The following MED13L variants were observed in gnomAD, a reference collection of about 807,000 sequenced individuals.
MED13L encodes mediator complex subunit 13L, also known as mediator of RNA polymerase II transcription subunit 13-like.
In MED13L, 7 loss-of-function variants were observed where a neutral mutation model predicts 220.9. The ratio of observed to expected loss-of-function variants is 0.03; its 90% confidence interval spans 0.02 to 0.06. The LOEUF is 0.06. MED13L is among the 10% of genes least tolerant of loss of function. The probability of loss-of-function intolerance (pLI) is 1.00; values close to 1 mark genes in which losing one functional copy is unlikely to be tolerated. For missense variants in MED13L, 1,965 were observed against 2,760.5 expected, an observed-to-expected ratio of 0.71 and a Z score of 6.46; for synonymous variants, 1,011 against 1,015.2, an observed-to-expected ratio of 1.00 and a Z score of 0.08.
chr12:116,270,827 G>A (rs547110122), intron 1 of MED13L, among the ~76,000 whole-genome samples: 1 of 151,868 alleles, frequency 6.6e-6, no homozygotes, highest in African/African-American at 2.4e-5. Context: ...CGGATCACAA[G>A]GTCAAGAGAT....
At chr12:116,216,035 CT>C (rs922635034) in intron 2 of MED13L, among the ~76,000 whole-genome samples, 34 of 152,270 alleles carry the variant, frequency 2.2e-4, no homozygotes, top group African/African-American at 4.8e-4. Context: ...TTCCTCTTCT[CT>C]TTATTACAAC....
intron 4 of MED13L, among the ~76,000 whole-genome samples, chr12:116,050,353 T>A (rs1868380692): frequency 6.6e-6 from 1 of 152,162 alleles, no homozygotes; most frequent in Admixed American, 6.5e-5. Flanking sequence ...TGCAGCAATA[T>A]CATTTTTCTG....
intron 14 of MED13L, among the ~76,000 whole-genome samples, chr12:116,000,426 C>T (rs1878667194): frequency 6.6e-6 from 1 of 152,244 alleles, no homozygotes; most frequent in Non-Finnish European, 1.5e-5. Context: ...TCAGCGGGAA[C>T]TCATAAGACA....
In MED13L at chr12:116,176,395, CCAT is replaced by C. The variant is rs140238306; in HGVS notation, c.310+61070_310+61072del. 7.2e-3 allele frequency among the ~76,000 whole-genome samples: 1,099 copies of C among 151,748 alleles called. 7 individuals carry two copies. Among genetic ancestry groups the C allele is most frequent in the Admixed American group, 1.0e-2 (152 of 15,220 alleles). On this transcript the variant is annotated intron_variant, in intron 2 of 30. Transcript: ENST00000281928. ...ACTAAGGCTCAATAAATATAAGCTC[CCAT>C]CATCATCATCATCATCATCATCAAA...
In MED13L at chr12:116,210,551, C is replaced by CTATATATATA. The variant is rs3043762; in HGVS notation, c.310+26907_310+26916dup. ...CCCAAAAGCAACCGCAGAACGTAAC[C>CTATATATATA]TATATATATATATATATATATATAT... On this transcript the variant is annotated intron_variant, in intron 2 of 30. Transcript: ENST00000281928. 3.7e-3 allele frequency among the ~76,000 whole-genome samples: 422 copies of CTATATATATA among 113,584 alleles called. 6 individuals are homozygous for CTATATATATA. Among genetic ancestry groups the CTATATATATA allele is most frequent in the Middle Eastern group, 0.013 (3 of 234 alleles). The allele number at this position is 113,584 out of a possible 152,430, so 74.5% of individuals were successfully genotyped here.
intron 2 of MED13L, among the ~76,000 whole-genome samples, chr12:116,183,606 A>G (rs1880672232): frequency 6.6e-6 from 1 of 152,230 alleles, no homozygotes; most frequent in African/African-American, 2.4e-5. Flanking sequence ...TCAACTTTGT[A>G]TCACAAGCAA....
At chr12:116,236,657 A>G (rs561856597) in intron 2 of MED13L, among the ~76,000 whole-genome samples, 3 of 152,212 alleles carry the variant, frequency 2.0e-5, no homozygotes, top group Non-Finnish European at 4.4e-5. Flanking sequence ...CTAACTAAAG[A>G]TTAGAATTAG....
intron 2 of MED13L, among the ~76,000 whole-genome samples, chr12:116,184,026 T>C (rs1406307032): frequency 6.6e-6 from 1 of 152,182 alleles, no homozygotes; most frequent in Non-Finnish European, 1.5e-5. Context: ...TTAAGCCTCA[T>C]TTAAGAAGGA....
At position 115,965,355 on chromosome 12, in the gene MED13L, T is replaced by C. The variant is rs143676892; in HGVS notation, c.6387+727A>G. ...TCTTGGACATATGTCATTTTCTGTT[T>C]TGGCAAAGAACCTTTGGGCTATTCC... On this transcript the variant is annotated intron_variant, in intron 29 of 30. Transcript: ENST00000281928. 2.8e-3 allele frequency among the ~76,000 whole-genome samples: 426 copies of C among 152,346 alleles called. 23 individuals are homozygous for C. The East Asian group carries it at 0.077, about 27-fold the overall frequency.
chr12:116,175,572 T>C (rs1306632093), intron 2 of MED13L, among the ~76,000 whole-genome samples: 1 of 152,130 alleles, frequency 6.6e-6, no homozygotes, highest in Admixed American at 6.5e-5. Flanking sequence ...GACCTTAACT[T>C]TTAAGAAACA....
intron 2 of MED13L, among the ~76,000 whole-genome samples, chr12:116,132,143 T>A (rs1478934950): frequency 6.6e-6 from 1 of 151,794 alleles, no homozygotes; most frequent in Non-Finnish European, 1.5e-5. Flanking sequence ...TAGCAGGTCA[T>A]GACGGCAGGT....
chr12:116,192,396 A>G (rs1315303219), intron 2 of MED13L, among the ~76,000 whole-genome samples: 1 of 152,250 alleles, frequency 6.6e-6, no homozygotes, highest in Admixed American at 6.5e-5. Flanking sequence ...GAGAAAATAA[A>G]TATGAATATA....
chr12:116,059,918 C>T (rs1869299807), intron 4 of MED13L, among the ~76,000 whole-genome samples: 1 of 152,110 alleles, frequency 6.6e-6, no homozygotes, highest in South Asian at 2.1e-4. Flanking sequence ...TACACTATTA[C>T]TTTTTACATA....
chr12:116,221,648 AT>A (rs1868447944), intron 2 of MED13L, among the ~76,000 whole-genome samples: 1 of 152,190 alleles, frequency 6.6e-6, no homozygotes, highest in Non-Finnish European at 1.5e-5. Context: ...AAATTATTCT[AT>A]AAACAAAAAA....
intron 30 of MED13L, among the ~76,000 whole-genome samples, chr12:115,962,934 T>A (rs1875869584): frequency 6.6e-6 from 1 of 152,150 alleles, no homozygotes; most frequent in South Asian, 2.1e-4. Flanking sequence ...GGCAGGAGAA[T>A]GGCATGAACC....
chr12:116,088,785 C>T (rs949421050), intron 4 of MED13L, among the ~76,000 whole-genome samples: 10 of 150,996 alleles, frequency 6.6e-5, no homozygotes, highest in African/African-American at 2.4e-4. Context: ...AAATTAACTC[C>T]TTGCTTAAAA....
chr12:116,060,655 A>C (rs1869390947), intron 4 of MED13L, among the ~76,000 whole-genome samples: 1 of 152,104 alleles, frequency 6.6e-6, no homozygotes, highest in Non-Finnish European at 1.5e-5. Flanking sequence ...TTCACATTAC[A>C]ATTAACTGAA....
chr12:116,015,372 T>G lies in MED13L; in HGVS notation c.1010-98A>C. On this transcript the variant is annotated intron_variant, in intron 7 of 30. Transcript: ENST00000281928. Reference sequence around the variant, plus strand: ...TAACATAAATATGCATTTTAATTGTTGAAAGTCATATACATAGCTTTTTCC... The same window carrying G: ...TAACATAAATATGCATTTTAATTGTGGAAAGTCATATACATAGCTTTTTCC... The G allele has an allele frequency of 1.4e-5, 18 of 1,311,202 alleles. No homozygotes were observed. In the South Asian group the frequency reaches 2.1e-4, roughly 16 times the overall value. The allele number at this position is 1,311,202 out of a possible 1,614,324, so 81.2% of individuals were successfully genotyped here.
intron 2 of MED13L, among the ~76,000 whole-genome samples, chr12:116,194,248 C>T (rs2138278673): frequency 6.6e-6 from 1 of 152,242 alleles, no homozygotes; most frequent in East Asian, 1.9e-4. Flanking sequence ...TCGTCGCAAC[C>T]TCCACCTCCT....
Sources: allele counts gnomAD v4.1 joint callset (sites outside exome capture counted in the v4.1 genomes callset), GRCh38; gene constraint gnomAD v4.1.1; transcripts MANE v1.5; gene names NCBI Gene and HGNC (gene_info 2026-07-23, HGNC 2026-07-21).